ARSG: variants seen among roughly 807,000 people sequenced by gnomAD.
ARSG encodes ASG.
Under a neutral mutation model 50.5 loss-of-function variants are expected in ARSG, and 37 were observed. The observed-to-expected ratio is 0.73, with a 90% CI of 0.56 to 0.96. The LOEUF is 0.96. Among genes scored for constraint, ARSG ranks in the 50% least tolerant of loss-of-function variants. The pLI is 0.00. For missense variants in ARSG, 629 were observed against 675.3 expected (o/e 0.93, Z 0.76); for synonymous variants, 225 against 254.6 (o/e 0.88, Z 1.11).
At chr17:68,352,502 T>C (rs913718901) in intron 5 of ARSG, among the ~76,000 whole-genome samples, 1 of 147,580 alleles carries the variant, frequency 6.8e-6, no homozygotes. Context: ...TTTCATTTTC[T>C]TTTTTCTTTC....
At chr17:68,272,735 C>T (rs2075382206) in intron 1 of ARSG, 1 of 1,613,982 alleles carries the variant, frequency 6.2e-7, no homozygotes, top group Admixed American at 1.7e-5. Context: ...AGGATGGTTA[C>T]AGTTGGGAGA....
chr17:68,430,940 A>T, the ARSG span, among the ~76,000 whole-genome samples: 3 of 152,154 alleles, frequency 2.0e-5, no homozygotes, highest in African/African-American at 4.8e-5. Flanking sequence ...GGTATTCTTT[A>T]CTATGCTACC....
intron 1 of ARSG, among the ~76,000 whole-genome samples, chr17:68,292,287 G>T (rs1555756550): frequency 6.6e-6 from 1 of 152,140 alleles, no homozygotes. Context: ...TCCCATACCC[G>T]CGGGGAGCCC....
the ARSG span, among the ~76,000 whole-genome samples, chr17:68,449,428 C>T: frequency 3.3e-5 from 5 of 152,202 alleles, no homozygotes; most frequent in South Asian, 4.1e-4. Context: ...AGTTTGAGAC[C>T]AGACTGGGCA....
At chr17:68,373,069 G>T (rs1372821279) in intron 8 of ARSG, among the ~76,000 whole-genome samples, 6 of 148,564 alleles carry the variant, frequency 4.0e-5, no homozygotes, top group African/African-American at 1.5e-4. Context: ...TTTTTTGTTT[G>T]TTTTTTTTTG....
Position 68,401,378 on chromosome 17 carries a change from A to G in ARSG, c.1231A>G (p.Ser411Gly). The G allele has an allele frequency of 6.2e-7, 1 of 1,613,996 alleles. No individual in the cohort carries two copies. Among genetic ancestry groups the G allele is most frequent in the Non-Finnish European group, 8.5e-7 (1 of 1,179,890 alleles). The change falls in exon 11 of 12, where the codon AGC becomes GGC. Residue 411 changes from serine (S) to glycine (G), a missense_variant. By Grantham distance (56) the Ser-to-Gly change is moderately conservative (BLOSUM62 0). Coordinates refer to ENST00000621439, the MANE Select transcript of ARSG (RefSeq NM_001267727.2). The stretch of plus-strand genomic sequence containing the variant: ...TTCTCAGGTGCTGTTCCACCCCAAC[A>G]GCGGGGCAGCTGGAGAGTTTGGAGC... The part of the protein sequence containing the change: ...PGHRVLFHPN[S>G]GAAGEFGALQ...
chr17:68,422,041 C>T (rs1213080692), downstream of ARSG: 9 of 587,770 alleles, frequency 1.5e-5, no homozygotes, highest in Non-Finnish European at 2.1e-5. Context: ...ATAAAAATGT[C>T]TCTGTGTGTG....
intron 11 of ARSG, among the ~76,000 whole-genome samples, chr17:68,404,846 C>T (rs1249296649): frequency 1.3e-5 from 2 of 152,040 alleles, no homozygotes; most frequent in African/African-American, 4.8e-5. Flanking sequence ...GATCCATTTC[C>T]AGTTAATTTT....
downstream of ARSG, chr17:68,421,671 C>T (rs1005258799): frequency 1.0e-4 from 155 of 1,531,358 alleles, no homozygotes; most frequent in Non-Finnish European, 1.3e-4. Flanking sequence ...ATTCCTGCCC[C>T]CCTTTCTGCT....
intron 2 of ARSG, among the ~76,000 whole-genome samples, chr17:68,338,034 G>A (rs906457152): frequency 6.6e-6 from 1 of 152,118 alleles, no homozygotes; most frequent in African/African-American, 2.4e-5. Flanking sequence ...CAGGTGCCTG[G>A]TTTTTCTCTA....
downstream of ARSG, chr17:68,427,164 G>C (rs1157839958): frequency 1.2e-6 from 2 of 1,614,078 alleles, no homozygotes; most frequent in South Asian, 1.1e-5. Context: ...AGATGCACTT[G>C]GTCTGGCTAC....
At chr17:68,396,014 T>G (rs201780068) in intron 10 of ARSG, among the ~76,000 whole-genome samples, 10,930 of 117,456 alleles carry the variant, frequency 0.093, 905 homozygotes, top group African/African-American at 0.22. Context: ...TTTTTTTTTT[T>G]GTTTTTTTTT....
intron 1 of ARSG, among the ~76,000 whole-genome samples, chr17:68,301,525 C>G (rs960163531): frequency 6.6e-6 from 1 of 152,198 alleles, no homozygotes; most frequent in East Asian, 1.9e-4. Flanking sequence ...TTGTCTCGCT[C>G]TAGCACTGTC....
intron 2 of ARSG, among the ~76,000 whole-genome samples, chr17:68,318,347 G>A (rs1393871653): frequency 6.6e-6 from 1 of 152,216 alleles, no homozygotes; most frequent in African/African-American, 2.4e-5. Context: ...GGGAAAGCCA[G>A]TGCTGGTTTC....
At chr17:68,361,501 C>T (rs994973855) in intron 6 of ARSG, among the ~76,000 whole-genome samples, 7 of 151,630 alleles carry the variant, frequency 4.6e-5, no homozygotes, top group Admixed American at 4.6e-4. Flanking sequence ...ATTGCTTGAG[C>T]TCAGGCGTTC....
At chr17:68,299,949 T>C (rs1332759861) in intron 1 of ARSG, among the ~76,000 whole-genome samples, 5 of 151,732 alleles carry the variant, frequency 3.3e-5, no homozygotes, top group Admixed American at 2.6e-4. Flanking sequence ...TTTTTTTTTT[T>C]TTTTTAAGAG....
the ARSG span, chr17:68,450,897 T>A: frequency 1.2e-6 from 2 of 1,611,096 alleles, no homozygotes; most frequent in Admixed American, 1.7e-5. Context: ...CGGGATTTCA[T>A]CTGGGAGGAA....
intron 10 of ARSG, 137 bp from the exon 11 acceptor site, chr17:68,401,222 TG>T (rs1682165031): frequency 1.4e-6 from 1 of 712,080 alleles, no homozygotes; most frequent in African/African-American, 1.8e-5. Context: ...GGGGTCTTGC[TG>T]TGTTGCCCAG....
chr17:68,426,325 T>C, downstream of ARSG: 1 of 654,892 alleles, frequency 1.5e-6, no homozygotes. Flanking sequence ...CTAGGACAAG[T>C]CATAATCCTC....
Sources: allele counts gnomAD v4.1 joint callset (sites outside exome capture counted in the v4.1 genomes callset), GRCh38; gene constraint gnomAD v4.1.1; transcripts MANE v1.5; gene names NCBI Gene and HGNC (gene_info 2026-07-23, HGNC 2026-07-21).